The following ANKS3 variants were observed in gnomAD, a reference collection of about 807,000 sequenced individuals.
The protein encoded by ANKS3 is ankyrin repeat and sterile alpha motif domain containing 3, also known as ankyrin repeat and SAM domain-containing protein 3.
Under a neutral mutation model 80.7 loss-of-function variants are expected in ANKS3, and 62 were observed. The observed-to-expected ratio is 0.77, with a 90% confidence interval of 0.63 to 0.95. ANKS3 has a LOEUF of 0.95. Among genes scored for constraint, ANKS3 ranks in the 40% least tolerant of loss-of-function variants. The pLI is 0.00. For synonymous variants in ANKS3, 489 were observed against 355.3 expected, an observed-to-expected ratio of 1.38 and a Z score of -4.23; for missense variants, 1,150 against 883.6, an observed-to-expected ratio of 1.30 and a Z score of -3.82.
chr16:4,714,315 A>C (rs2080658959), intron 6 of ANKS3, 129 bp from the exon 7 acceptor site: 1 of 1,349,514 alleles, frequency 7.4e-7, no homozygotes, highest in Admixed American at 2.2e-5. Context: ...GAAACATCAC[A>C]TCTGCATGAG....
rs1425204117 is a variant in ANKS3, at chr16:4,727,318, G to C, written c.171-141C>G. 34 of 823,546 alleles carry C rather than the reference G, an allele frequency of 4.1e-5. No individual in the cohort carries two copies. The East Asian group carries it at 8.5e-4, about 21-fold the overall frequency. 51.0% of individuals were successfully genotyped at this position (823,546 alleles called of 1,614,324 possible). A position where few individuals can be genotyped will look rare whatever the true frequency, so the allele number is the denominator to read the frequency against. On this transcript the variant is annotated intron_variant, in intron 3 of 17. Transcript: ENST00000304283. ...GCCACCCTGGACGTTGTGGGGATTGGAGGCAGGCAGGCAGAAAAATGCTGA... is the reference window on the plus strand; with the variant it reads ...GCCACCCTGGACGTTGTGGGGATTGCAGGCAGGCAGGCAGAAAAATGCTGA...
rs960114978 is a variant in ANKS3 at position 4,731,556 on chromosome 16, T to A, written c.-47A>T. On this transcript the variant is annotated 5_prime_UTR_variant, in exon 2 of 18. Coordinates refer to ENST00000304283, the MANE Select transcript of ANKS3 (RefSeq NM_133450.4). ...TCAGCCTCTCAAAGTCCTGGAAATA[T>A]AGGCGTGAGCCACTGCACCTGGCCT... is the stretch of plus-strand genomic sequence containing the variant. The A allele has an allele frequency of 1.2e-6, 1 of 864,230 alleles. No individual in the cohort carries two copies. Among genetic ancestry groups the A allele is most frequent in the Non-Finnish European group, 1.4e-6 (1 of 719,380 alleles). The allele number at this position is 864,230 out of a possible 1,614,324, so 53.5% of individuals were successfully genotyped here.
chr16:4,709,613 A>G lies in ANKS3; in HGVS notation c.710-4360T>C, dbSNP rs751052587. ...GACAGAAAATGAGTTTATATACACA[A>G]TTGAATATTATTCAGACATAAAGAA... is the stretch of plus-strand genomic sequence containing the variant. On this transcript the variant is annotated intron_variant, in intron 7 of 17. Coordinates refer to ENST00000304283, the MANE Select transcript of ANKS3 (RefSeq NM_133450.4). Among the ~76,000 whole-genome samples, 175 of 152,366 alleles carry G rather than the reference A, an allele frequency of 1.1e-3. 2 individuals are homozygous for G. The highest frequency in any genetic ancestry group is 1.4e-3 in the Non-Finnish European group (97 of 68,038).
intron 8 of ANKS3, among the ~76,000 whole-genome samples, chr16:4,703,327 T>C (rs551073441): frequency 6.6e-6 from 1 of 152,238 alleles, no homozygotes; most frequent in Non-Finnish European, 1.5e-5. Context: ...TTGCCCAGGC[T>C]GGTCTCACAA....
At position 4,705,143 on chromosome 16, in the gene ANKS3, T is replaced by C. The variant is rs1174991891; in HGVS notation, c.820A>G (p.Arg274Gly). The C allele has an allele frequency of 6.2e-7, 1 of 1,613,534 alleles. No homozygotes were observed. The highest frequency in any genetic ancestry group is 8.5e-7 in the Non-Finnish European group (1 of 1,180,032). Reference protein sequence around the residue: ...SIHEGPRALARITGIGLGGRA... With the variant: ...SIHEGPRALAGITGIGLGGRA... ...CCGCCCAGGCCAATGCCTGTGATCC[T>C]GGCCAGGGCTCGCGGTCCCTCGTGG... Residue 274 changes from arginine to glycine, a missense_variant, in exon 8 of 18, where the codon AGG becomes GGG. Physicochemically the swap from Arg to Gly is moderately radical, Grantham distance 125. Coordinates refer to ENST00000304283, the MANE Select transcript of ANKS3 (RefSeq NM_133450.4).
At chr16:4,714,408 C>A (rs987533502) in intron 6 of ANKS3, 2 of 620,580 alleles carry the variant, frequency 3.2e-6, no homozygotes, top group Non-Finnish European at 5.4e-6. Context: ...GGGCTGGGGG[C>A]TGGGGAGTCA....
At chr16:4,716,662 A>C (rs1317442073) in intron 6 of ANKS3, among the ~76,000 whole-genome samples, 1 of 152,192 alleles carries the variant, frequency 6.6e-6, no homozygotes, top group African/African-American at 2.4e-5. Flanking sequence ...TCACGCCTGT[A>C]ATCCCAGCAC....
At chr16:4,726,831 G>A (rs1239184305) in intron 4 of ANKS3, 51 bp from the exon 5 acceptor site, 1 of 1,601,664 alleles carries the variant, frequency 6.2e-7, no homozygotes, top group Non-Finnish European at 8.5e-7. Context: ...TCTGCGTGGG[G>A]CGGGCGCCCT....
intron 3 of ANKS3, chr16:4,728,016 C>G (rs1482516994): frequency 6.6e-6 from 1 of 152,216 alleles, no homozygotes; most frequent in African/African-American, 2.4e-5. Context: ...GGTGACTGAA[C>G]CCCAGGATCT....
At chr16:4,711,440 C>T (rs1376684181) in intron 7 of ANKS3, among the ~76,000 whole-genome samples, 1 of 150,900 alleles carries the variant, frequency 6.6e-6, no homozygotes, top group Non-Finnish European at 1.5e-5. Flanking sequence ...AAAAATTGGC[C>T]GGGTGCGGTG....
intron 2 of ANKS3, 49 bp from the exon 3 acceptor site, chr16:4,730,200 G>T: frequency 7.0e-7 from 1 of 1,437,430 alleles, no homozygotes; most frequent in South Asian, 1.5e-5. Context: ...GGTTGTTCCA[G>T]GGCATGAAAC....
intron 8 of ANKS3, 108 bp from the exon 9 acceptor site, chr16:4,702,350 A>G: frequency 8.3e-7 from 1 of 1,210,570 alleles, no homozygotes. Flanking sequence ...GACCTCACCT[A>G]CTTGCCCCTG....
intron 8 of ANKS3, among the ~76,000 whole-genome samples, chr16:4,703,219 C>T (rs1480785307): frequency 6.6e-6 from 1 of 152,170 alleles, no homozygotes; most frequent in Non-Finnish European, 1.5e-5. Context: ...CTCAAGCAAT[C>T]CTTCCACCTC....
chr16:4,702,150 G>C lies in ANKS3; in HGVS notation c.961C>G (p.Pro321Ala), dbSNP rs372988165. The change falls in exon 9 of 18, where the codon CCC becomes GCC. Residue 321 changes from proline (P) to alanine (A), a missense_variant. Transcript: ENST00000304283. ...EGLCCRDVTS[P>A]INERDVESSS... is the part of the protein sequence containing the mutation. ...CTCTCCACATCCCGCTCATTGATGG[G>C]GGAGGTGACATCCCGGCAGCAGAGG... 6.3e-7 allele frequency: 1 copy of C among 1,596,926 alleles called. No individual in the cohort carries two copies. Among genetic ancestry groups the C allele is most frequent in the South Asian group, 1.1e-5 (1 of 89,642 alleles).
At chr16:4,711,576 G>C (rs187100147) in intron 7 of ANKS3, among the ~76,000 whole-genome samples, 22 of 151,884 alleles carry the variant, frequency 1.4e-4, no homozygotes, top group Admixed American at 1.3e-3. Context: ...AAATTATCCA[G>C]GCATGGTAGC....
chr16:4,721,062 T>C (rs942890074), intron 6 of ANKS3, among the ~76,000 whole-genome samples: 1 of 149,626 alleles, frequency 6.7e-6, no homozygotes, highest in Non-Finnish European at 1.5e-5. Flanking sequence ...TCCCAGCACT[T>C]TGGGAGGCCA....
chr16:4,697,673 G>T (rs529696229), intron 15 of ANKS3, among the ~76,000 whole-genome samples: 44 of 152,346 alleles, frequency 2.9e-4, no homozygotes, highest in South Asian at 1.9e-3. Flanking sequence ...CCGGGTCTGG[G>T]CCCTGGCTGG....
intron 2 of ANKS3, 124 bp from the exon 3 acceptor site, chr16:4,730,275 G>C: frequency 1.1e-6 from 1 of 907,490 alleles, no homozygotes; most frequent in Non-Finnish European, 1.5e-6. Flanking sequence ...AGTCAACCCC[G>C]GGAGTAACTC....
Position 4,698,016 on chromosome 16 carries a change from G to A in ANKS3, c.1771C>T (p.Pro591Ser), listed in dbSNP as rs377167573. 2 of 1,608,042 alleles carry A rather than the reference G, an allele frequency of 1.2e-6. No homozygotes were observed. Among genetic ancestry groups the A allele is most frequent in the Non-Finnish European group, 1.7e-6 (2 of 1,178,086 alleles). ...LSSRVRQDQP[P>S]GAATLGLAVP... is the part of the protein sequence containing the mutation. Reference sequence around the variant, plus strand: ...GCTAGGCCCAGAGTGGCTGCACCAGGGGGCTGGTCCTGCCTCACTCGAGAT... The same window carrying A: ...GCTAGGCCCAGAGTGGCTGCACCAGAGGGCTGGTCCTGCCTCACTCGAGAT... The change falls in exon 15 of 18, where the codon CCT (proline) becomes TCT (serine). Residue 591 changes from proline (P) to serine (S), a missense_variant. By Grantham distance (74) the Pro-to-Ser change is moderately conservative. Transcript: ENST00000304283.
Sources: allele counts gnomAD v4.1 joint callset (sites outside exome capture counted in the v4.1 genomes callset), GRCh38; gene constraint gnomAD v4.1.1; transcripts MANE v1.5; gene names NCBI Gene and HGNC (gene_info 2026-07-23, HGNC 2026-07-21).